Variants in ENOX2 observed in about 807,000 individuals in gnomAD.
ENOX2 encodes the protein ecto-NOX disulfide-thiol exchanger 2.
In ENOX2, 36 loss-of-function variants were observed where a neutral mutation model predicts 45.0. The ratio of observed to expected loss-of-function variants is 0.80; its 90% CI spans 0.61 to 1.06. ENOX2 has a LOEUF of 1.06. Among genes scored for constraint, ENOX2 ranks in the 50% least tolerant of loss-of-function variants. The pLI, the probability that ENOX2 is intolerant of heterozygous loss-of-function variation, is 0.00. For synonymous variants in ENOX2, 174 were observed against 152.3 expected, an observed-to-expected ratio of 1.14 and a Z score of -1.05; for missense variants, 423 against 462.5, an observed-to-expected ratio of 0.91 and a Z score of 0.78.
rs969942553 is a variant in ENOX2 at position 130,689,085 on chromosome X, T to C, written c.98-67A>G. The C allele has an allele frequency of 3.0e-6, 3 of 993,283 alleles. No homozygotes were observed. The African/African-American group carries it at 5.7e-5, about 19-fold the overall frequency. 81.9% of individuals were successfully genotyped at this position (993,283 alleles called of 1,213,427 possible). ...AGTTAAGTGGAGATAGAATGTTACT[T>C]TGTAAGCTTCAAATCAAAGGCCTTT... On this transcript the variant is annotated intron_variant, in intron 4 of 14. Coordinates refer to ENST00000394363, the MANE Select transcript of ENOX2 (RefSeq NM_006375.4).
intron 2 of ENOX2, among the ~76,000 whole-genome samples, chrX:130,885,699 G>A (rs2078890632): frequency 8.9e-6 from 1 of 112,169 alleles, no homozygotes; most frequent in Admixed American, 9.4e-5. Flanking sequence ...TATTAGCAGA[G>A]AGAAGTTCTT....
At chrX:130,759,829 C>T (rs189024222) in intron 3 of ENOX2, among the ~76,000 whole-genome samples, 352 of 109,786 alleles carry the variant, frequency 3.2e-3, no homozygotes, top group African/African-American at 0.011. Context: ...ATAATCTTGC[C>T]TTTATTTCAG....
At chrX:130,644,570 G>A (rs2036177180) in intron 10 of ENOX2, among the ~76,000 whole-genome samples, 1 of 111,645 alleles carries the variant, frequency 9.0e-6, no homozygotes. Flanking sequence ...AAAAAGAAAT[G>A]AGCCATCAAG....
At chrX:130,769,689 A>G (rs927551804) in intron 3 of ENOX2, among the ~76,000 whole-genome samples, 1 of 111,804 alleles carries the variant, frequency 8.9e-6, no homozygotes, top group Non-Finnish European at 1.9e-5. Context: ...TAGCATATTC[A>G]TCTACCCTTC....
At chrX:130,750,894 C>T (rs2039204121) in intron 3 of ENOX2, among the ~76,000 whole-genome samples, 1 of 110,974 alleles carries the variant, frequency 9.0e-6, no homozygotes. Context: ...ATTCGTACCT[C>T]TCTGTTTCTA....
chrX:130,876,478 T>C (rs2078704591), intron 2 of ENOX2, among the ~76,000 whole-genome samples: 2 of 111,452 alleles, frequency 1.8e-5, no homozygotes, highest in Non-Finnish European at 3.8e-5. Context: ...AGTTAAAGGC[T>C]AAGGAGATCT....
chrX:130,631,319 TTCTTAA>T, intron 13 of ENOX2, 143 bp downstream of exon 13: 1 of 455,611 alleles, frequency 2.2e-6, no homozygotes, highest in East Asian at 3.4e-5. Flanking sequence ...TTTGTACTTG[TTCTTAA>T]CCTATCATCT....
intron 3 of ENOX2, among the ~76,000 whole-genome samples, chrX:130,711,141 A>G (rs1005760462): frequency 8.9e-6 from 1 of 112,084 alleles, no homozygotes; most frequent in Non-Finnish European, 1.9e-5. Context: ...AAGGGAAAGG[A>G]AACAGTAGAA....
chrX:130,747,053 G>A (rs1053610203), intron 3 of ENOX2, among the ~76,000 whole-genome samples: 5 of 112,322 alleles, frequency 4.5e-5, no homozygotes, highest in African/African-American at 1.6e-4. Context: ...GTGTCATGGA[G>A]TTTTCCTAAG....
chrX:130,629,167 T>C (rs2035626536), intron 13 of ENOX2, among the ~76,000 whole-genome samples: 1 of 112,293 alleles, frequency 8.9e-6, no homozygotes, highest in African/African-American at 3.2e-5. Flanking sequence ...ATGCTATTAC[T>C]TAGAACATTA....
intron 3 of ENOX2, among the ~76,000 whole-genome samples, chrX:130,781,914 C>T (rs2076903865): frequency 9.0e-6 from 1 of 110,843 alleles, no homozygotes; most frequent in Non-Finnish European, 1.9e-5. Context: ...TAAAATGTGG[C>T]TATAATAACT....
chrX:130,899,762 A>C (rs1182140152), intron 2 of ENOX2, among the ~76,000 whole-genome samples: 1 of 111,997 alleles, frequency 8.9e-6, no homozygotes, highest in Non-Finnish European at 1.9e-5. Context: ...TTTGTGTGTA[A>C]TCCAAATCCA....
intron 3 of ENOX2, among the ~76,000 whole-genome samples, chrX:130,714,757 C>T (rs1413564447): frequency 9.0e-6 from 1 of 111,137 alleles, no homozygotes; most frequent in African/African-American, 3.3e-5. Context: ...GTGAGAGTGG[C>T]AGATATGAAA....
chrX:130,893,892 G>A (rs749027065), intron 2 of ENOX2, among the ~76,000 whole-genome samples: 1 of 111,740 alleles, frequency 8.9e-6, no homozygotes, highest in Admixed American at 9.5e-5. Context: ...CCTCAGCCCT[G>A]CTGACTCAGC....
At chrX:130,798,600 T>C (rs2077170607) in intron 2 of ENOX2, among the ~76,000 whole-genome samples, 4 of 112,555 alleles carry the variant, frequency 3.6e-5, no homozygotes, top group African/African-American at 6.4e-5. Context: ...AACTGAAATA[T>C]TGGAAACAAA....
At chrX:130,820,094 A>G (rs1378014156) in intron 2 of ENOX2, among the ~76,000 whole-genome samples, 3 of 112,442 alleles carry the variant, frequency 2.7e-5, no homozygotes, top group Non-Finnish European at 5.6e-5. Context: ...TATCCAAAAT[A>G]TGTAAGGAAT....
At chrX:130,658,968 G>A (rs149852594) in intron 9 of ENOX2, among the ~76,000 whole-genome samples, 1,184 of 112,007 alleles carry the variant, frequency 0.011, 22 homozygotes, top group African/African-American at 0.036. Context: ...AAATGATTAA[G>A]ATCCCATGAT....
At chrX:130,695,543 AC>A (rs1052335706) in intron 4 of ENOX2, among the ~76,000 whole-genome samples, 1 of 111,233 alleles carries the variant, frequency 9.0e-6, no homozygotes, top group African/African-American at 3.3e-5. Context: ...TGTTCCAGAG[AC>A]CCCTGAGCCC....
intron 3 of ENOX2, among the ~76,000 whole-genome samples, chrX:130,734,183 C>T (rs1029452207): frequency 4.5e-5 from 5 of 111,453 alleles, no homozygotes; most frequent in African/African-American, 1.6e-4. Context: ...GCTCCTCTCA[C>T]CGGGATATTA....
Sources: allele counts gnomAD v4.1 joint callset (sites outside exome capture counted in the v4.1 genomes callset), GRCh38; gene constraint gnomAD v4.1.1; transcripts MANE v1.5; gene names NCBI Gene and HGNC (gene_info 2026-07-23, HGNC 2026-07-21).